Variants in ATP10D observed in about 807,000 individuals in gnomAD.
ATP10D encodes the protein ATPase phospholipid transporting 10D (putative), also known as phospholipid-transporting ATPase VD.
In ATP10D, 89 loss-of-function variants were observed where a neutral mutation model predicts 144.8. That is an observed-to-expected ratio of 0.61 (90% CI 0.52 to 0.73). The LOEUF (loss-of-function observed/expected upper bound fraction) is 0.73, where lower values mean the gene tolerates loss of function less well. Ranked by LOEUF, ATP10D falls within the 30% of genes least tolerant of loss-of-function variation. ATP10D has a pLI of 0.00. For synonymous variants in ATP10D, 571 were observed against 615.1 expected, an observed-to-expected ratio of 0.93 and a Z score of 1.06; for missense variants, 1,603 against 1,714.8, an observed-to-expected ratio of 0.93 and a Z score of 1.15.
intron 3 of ATP10D, among the ~76,000 whole-genome samples, chr4:47,517,797 T>C (rs1716765314): frequency 6.6e-6 from 1 of 152,184 alleles, no homozygotes; most frequent in African/African-American, 2.4e-5. Context: ...AACTTTTTTC[T>C]CAGGTGTCCT....
At chr4:47,535,303 T>G (rs866981912) in intron 5 of ATP10D, among the ~76,000 whole-genome samples, 1 of 138,422 alleles carries the variant, frequency 7.2e-6, no homozygotes, top group Non-Finnish European at 1.6e-5. Flanking sequence ...GTGTACCACC[T>G]GAACCTAAAA....
At chr4:47,574,925 T>TGAGAAGCTGGGC (rs1720152283) in intron 18 of ATP10D, among the ~76,000 whole-genome samples, 1 of 152,034 alleles carries the variant, frequency 6.6e-6, no homozygotes, top group Non-Finnish European at 1.5e-5. Flanking sequence ...CTCAGCCTCC[T>TGAGAAGCTGGGC]GAGAAGCTGG....
In ATP10D at chr4:47,558,190, G is replaced by A. The variant is rs796765340; in HGVS notation, c.2351G>A (p.Arg784Gln). 1.7e-5 allele frequency: 28 copies of A among 1,614,004 alleles called. No individual in the cohort carries two copies. The highest frequency in any genetic ancestry group is 3.3e-5 in the Admixed American group (2 of 59,998). Residue 784 changes from arginine to glutamine, a missense_variant, in exon 12 of 23, where the codon CGA (arginine) becomes CAA (glutamine). By Grantham distance (43) the Arg-to-Gln change is conservative. Coordinates refer to ENST00000273859, the MANE Select transcript of ATP10D (RefSeq NM_020453.4). Reference protein sequence around the residue: ...SVRKRMSVVVRHPLSNQVVVY... With the variant: ...SVRKRMSVVVQHPLSNQVVVY... The stretch of plus-strand genomic sequence containing the variant: ...AGAAAAAGAATGTCTGTTGTGGTCC[G>A]ACACCCTCTTTCCAATCAAGTTGTG...
Position 47,591,587 on chromosome 4 carries a change from G to T in ATP10D, c.*206G>T. 1 of 393,262 alleles carries T rather than the reference G, an allele frequency of 2.5e-6. No homozygotes were observed. Among genetic ancestry groups the T allele is most frequent in the East Asian group, 3.8e-5 (1 of 26,258 alleles). 24.4% of individuals were successfully genotyped at this position (393,262 alleles called of 1,614,324 possible). A position where few individuals can be genotyped will look rare whatever the true frequency, so the allele number is the denominator to read the frequency against. On this transcript the variant is annotated 3_prime_UTR_variant, in exon 23 of 23. Coordinates refer to ENST00000273859, the MANE Select transcript of ATP10D (RefSeq NM_020453.4). ...GAGTTTGACCTAGAGAGAGTTTAAG[G>T]AAGTGAAATATTTAATTCAGAACCA... is the stretch of plus-strand genomic sequence containing the variant.
intron 5 of ATP10D, among the ~76,000 whole-genome samples, chr4:47,534,079 G>A (rs1717702601): frequency 6.6e-6 from 1 of 152,098 alleles, no homozygotes; most frequent in Non-Finnish European, 1.5e-5. Flanking sequence ...GCATCTGGTT[G>A]GTATGTCTCT....
At chr4:47,558,599 T>C (rs1412151443) in intron 12 of ATP10D, among the ~76,000 whole-genome samples, 1 of 152,218 alleles carries the variant, frequency 6.6e-6, no homozygotes, top group African/African-American at 2.4e-5. Context: ...ATGCAATGTA[T>C]GAAGAGCCTT....
At chr4:47,576,643 G>A in intron 18 of ATP10D, 130 bp from the exon 19 acceptor site, 1 of 783,278 alleles carries the variant, frequency 1.3e-6, no homozygotes, top group Admixed American at 2.3e-5. Flanking sequence ...GGTAAATTGT[G>A]GTCCTATCTT....
At chr4:47,516,383 A>G (rs1716690463) in intron 3 of ATP10D, among the ~76,000 whole-genome samples, 1 of 152,198 alleles carries the variant, frequency 6.6e-6, no homozygotes, top group South Asian at 2.1e-4. Flanking sequence ...TTGTATTTTC[A>G]GTATTTATGA....
intron 9 of ATP10D, among the ~76,000 whole-genome samples, chr4:47,544,955 C>CA (rs1432459399): frequency 2.0e-5 from 3 of 152,098 alleles, no homozygotes; most frequent in African/African-American, 7.2e-5. Context: ...AAAATATTCA[C>CA]AAATATATTA....
In ATP10D at chr4:47,591,628, CT is replaced by C; in HGVS notation, c.*252del. On this transcript the variant is annotated 3_prime_UTR_variant, in exon 23 of 23. Transcript: ENST00000273859. ...TTCAGAACCAAATGCTTTTGTAAAACTTTTTGGATTTTGTAAAAGCATTTTC... is the reference window on the plus strand; with the variant it reads ...TTCAGAACCAAATGCTTTTGTAAAACTTTTGGATTTTGTAAAAGCATTTTC... 1 of 301,108 alleles carries C rather than the reference CT, an allele frequency of 3.3e-6. No homozygotes were observed. Among genetic ancestry groups the C allele is most frequent in the Non-Finnish European group, 6.1e-6 (1 of 165,006 alleles). 18.7% of individuals were successfully genotyped at this position (301,108 alleles called of 1,614,324 possible). A position where few individuals can be genotyped will look rare whatever the true frequency, so the allele number is the denominator to read the frequency against.
At position 47,558,223 on chromosome 4, in the gene ATP10D, C is replaced by T. The variant is rs767141536; in HGVS notation, c.2384C>T (p.Thr795Met). 13 of 1,614,026 alleles carry T rather than the reference C, an allele frequency of 8.1e-6. No individual in the cohort carries two copies. The highest frequency in any genetic ancestry group is 2.2e-5 in the East Asian group (1 of 44,896). The change falls in exon 12 of 23, where the codon ACG becomes ATG. Residue 795 changes from threonine to methionine, a missense_variant. Coordinates refer to ENST00000273859, the MANE Select transcript of ATP10D (RefSeq NM_020453.4). ...CTTTCCAATCAAGTTGTGGTGTATA[C>T]GAAAGGCGCTGATTCTGTGATCATG... ...HPLSNQVVVY[T>M]KGADSVIMEL...
chr4:47,533,783 G>A (rs535945935), intron 5 of ATP10D, among the ~76,000 whole-genome samples: 29 of 152,116 alleles, frequency 1.9e-4, no homozygotes, highest in Non-Finnish European at 4.4e-5. Context: ...CCCATGTGGC[G>A]TCACTCAGCC....
intron 1 of ATP10D, among the ~76,000 whole-genome samples, chr4:47,494,873 G>A (rs375199246): frequency 6.6e-6 from 1 of 151,992 alleles, no homozygotes; most frequent in Non-Finnish European, 1.5e-5. Context: ...GCTTTCTTTC[G>A]CAGACTACCA....
Position 47,523,056 on chromosome 4 carries a change from T to C in ATP10D, c.530T>C (p.Val177Ala), listed in dbSNP as rs758757182. ...YIDRCWKDVT[V>A]GDFIRLSCNE... ...GACCGATGCTGGAAAGACGTTACTG[T>C]TGGGGACTTTATTCGCCTCTCCTGC... The change falls in exon 4 of 23, where the codon GTT becomes GCT. Residue 177 changes from valine (V) to alanine (A), a missense_variant. Val to Ala is a moderately conservative substitution (Grantham distance 64). Coordinates refer to ENST00000273859, the MANE Select transcript of ATP10D (RefSeq NM_020453.4). 1.9e-6 allele frequency: 3 copies of C among 1,613,918 alleles called. No homozygotes were observed. Among genetic ancestry groups the C allele is most frequent in the Non-Finnish European group, 2.5e-6 (3 of 1,179,938 alleles).
chr4:47,535,755 A>G (rs1717812642), intron 6 of ATP10D, 140 bp downstream of exon 6: 6 of 1,317,750 alleles, frequency 4.6e-6, no homozygotes, highest in African/African-American at 1.5e-5. Context: ...CTGTTTTTCT[A>G]AATGGATCAC....
At chr4:47,528,203 A>G (rs1717356960) in intron 5 of ATP10D, among the ~76,000 whole-genome samples, 1 of 151,870 alleles carries the variant, frequency 6.6e-6, no homozygotes, top group South Asian at 2.1e-4. Flanking sequence ...CCGAATGGTG[A>G]ACGTTGTTTC....
rs984349957 is a variant in ATP10D at position 47,592,723 on chromosome 4, T to C, written c.*1342T>C. On this transcript the variant is annotated 3_prime_UTR_variant, in exon 23 of 23. Coordinates refer to ENST00000273859, the MANE Select transcript of ATP10D (RefSeq NM_020453.4). ...GTTTAGTTTTCTACCTTCTGCCTAC[T>C]ATTTTGGTCTGACATTTTTGTAGCC... 1 of 152,578 alleles carries C rather than the reference T, an allele frequency of 6.6e-6. No individual in the cohort carries two copies. The highest frequency in any genetic ancestry group is 6.6e-5 in the Admixed American group (1 of 15,254). The allele number at this position is 152,578 out of a possible 1,614,324, so 9.5% of individuals were successfully genotyped here. A position where few individuals can be genotyped will look rare whatever the true frequency, so the allele number is the denominator to read the frequency against.
chr4:47,515,335 A>T (rs1716574292), intron 2 of ATP10D, 141 bp from the exon 3 acceptor site: 2 of 615,004 alleles, frequency 3.3e-6, no homozygotes, highest in East Asian at 5.4e-5. Flanking sequence ...ATTAAGATTC[A>T]TTGTATTCTG....
chr4:47,577,636 G>T (rs1389476818), intron 19 of ATP10D, among the ~76,000 whole-genome samples: 12 of 152,094 alleles, frequency 7.9e-5, no homozygotes, highest in South Asian at 2.1e-4. Context: ...TTAAAATAAT[G>T]CATTTATTTT....
Sources: gnomAD v4.1 joint callset for allele counts (sites outside exome capture counted in the v4.1 genomes callset) on GRCh38, gnomAD v4.1.1 for gene constraint, MANE v1.5 for transcripts, NCBI Gene and HGNC (gene_info 2026-07-23, HGNC 2026-07-21) for gene names.